Variants in TEX48 observed in about 807,000 individuals in gnomAD.
TEX48 encodes testis expressed 48.
TEX48 carries 10 observed loss-of-function variants against 13.2 expected under a neutral mutation model. That is an observed-to-expected ratio of 0.75 (90% CI 0.47 to 1.28). The LOEUF is 1.28. TEX48 is among the 50% of genes most tolerant of loss of function. TEX48 has a pLI of 0.00. For synonymous variants in TEX48, 45 were observed against 52.3 expected, an observed-to-expected ratio of 0.86 and a Z score of 0.60; for missense variants, 116 against 139.4, an observed-to-expected ratio of 0.83 and a Z score of 0.84.
chr9:114,680,545 T>C (rs1828175699), intron 1 of TEX48, among the ~76,000 whole-genome samples: 1 of 152,096 alleles, frequency 6.6e-6, no homozygotes, highest in African/African-American at 2.4e-5. Context: ...TGAGAAGAAA[T>C]GAGGCAGACT....
At position 114,668,383 on chromosome 9, in the gene TEX48, A is replaced by T. The variant is rs1439386364; in HGVS notation, c.128-46T>A. The T allele has an allele frequency of 2.0e-6, 3 of 1,508,376 alleles. No homozygotes were observed. The African/African-American group carries it at 4.1e-5, about 21-fold the overall frequency. The allele number at this position is 1,508,376 out of a possible 1,614,324, so 93.4% of individuals were successfully genotyped here. On this transcript the variant is annotated intron_variant, in intron 3 of 4. Transcript: ENST00000436752. ...GGGTCACGTGGGGGAGGCTTAGGTG[A>T]GATCACGGAAGTGAAGATGTTTTGC...
intron 1 of TEX48, among the ~76,000 whole-genome samples, chr9:114,672,717 G>T (rs1466785587): frequency 6.6e-6 from 1 of 152,146 alleles, no homozygotes; most frequent in East Asian, 1.9e-4. Context: ...AGTTGGGGTA[G>T]TTCTGTTAAA....
At chr9:114,673,263 AG>A (rs1479857125) in intron 1 of TEX48, among the ~76,000 whole-genome samples, 1 of 152,098 alleles carries the variant, frequency 6.6e-6, no homozygotes, top group African/African-American at 2.4e-5. Flanking sequence ...ACCTGAGGTC[AG>A]GAGTTCGAGA....
chr9:114,671,360 G>T, intron 3 of TEX48, 23 bp downstream of exon 3: 1 of 1,534,400 alleles, frequency 6.5e-7, no homozygotes, highest in Non-Finnish European at 8.7e-7. Context: ...AGGCCATGCA[G>T]AGTGTCCTTA....
intron 4 of TEX48, 148 bp from the exon 5 acceptor site, chr9:114,666,894 G>A (rs1389364843): frequency 3.4e-6 from 2 of 587,432 alleles, no homozygotes; most frequent in Middle Eastern, 2.8e-4. Context: ...CTAGGACTTG[G>A]AAGTCTTTTG....
At chr9:114,673,345 C>G (rs1053710614) in intron 1 of TEX48, among the ~76,000 whole-genome samples, 1 of 151,876 alleles carries the variant, frequency 6.6e-6, no homozygotes, top group African/African-American at 2.4e-5. Flanking sequence ...GTGGCACATG[C>G]CTGTAATCCC....
chr9:114,668,160 G>T, intron 4 of TEX48, 46 bp downstream of exon 4: 1 of 1,533,752 alleles, frequency 6.5e-7, no homozygotes, highest in African/African-American at 1.4e-5. Flanking sequence ...CAGGCTCCCT[G>T]TCTGGGAGTT....
intron 1 of TEX48, among the ~76,000 whole-genome samples, chr9:114,677,705 GTCC>G (rs920312191): frequency 6.6e-6 from 1 of 152,072 alleles, no homozygotes; most frequent in African/African-American, 2.4e-5. Context: ...CTGGACTTGG[GTCC>G]CTCTAAACCT....
chr9:114,677,180 G>T lies in TEX48; in HGVS notation c.-105+4855C>A, dbSNP rs149445147. 1.9e-3 allele frequency among the ~76,000 whole-genome samples: 290 copies of T among 152,198 alleles called. 1 individual carries two copies. In the Middle Eastern group the frequency reaches 0.02, roughly 11 times the overall value. On this transcript the variant is annotated intron_variant, in intron 1 of 4. Transcript: ENST00000436752. ...TGGTCAAAGTGGGGGCACTCACTAG[G>T]TCCATTTAGCTCCAATCTCCAATAG...
Position 114,671,431 on chromosome 9 carries a change from C to A in TEX48, c.79G>T (p.Asp27Tyr). ...TGGGTTTGACTGGGAACCTTGGAGT[C>A]ATTGATGGCATAGGGCTCCTGACAG... ...RDCQEPYAIN[D>Y]SKVPSQTQEH... Residue 27 changes from aspartate (D) to tyrosine (Y), a missense_variant, in exon 3 of 5, where the codon GAC (aspartate) becomes TAC (tyrosine). By Grantham distance (160) the Asp-to-Tyr change is radical. Coordinates refer to ENST00000436752, the MANE Select transcript of TEX48 (RefSeq NM_001199233.2). The A allele has an allele frequency of 6.5e-7, 1 of 1,535,466 alleles. No homozygotes were observed. The highest frequency in any genetic ancestry group is 1.2e-5 in the South Asian group (1 of 84,002).
At chr9:114,679,331 C>G (rs1828141139) in intron 1 of TEX48, among the ~76,000 whole-genome samples, 1 of 149,766 alleles carries the variant, frequency 6.7e-6, no homozygotes, top group Admixed American at 6.7e-5. Context: ...AAGACAGGAC[C>G]CAAATCTCCT....
At chr9:114,671,903 C>T in intron 1 of TEX48, 76 bp from the exon 2 acceptor site, 1 of 652,740 alleles carries the variant, frequency 1.5e-6, no homozygotes, top group South Asian at 1.8e-5. Flanking sequence ...GATCTAATGA[C>T]AGCAAAATCC....
chr9:114,681,562 G>A (rs1828201412), intron 1 of TEX48, among the ~76,000 whole-genome samples: 1 of 152,188 alleles, frequency 6.6e-6, no homozygotes, highest in Non-Finnish European at 1.5e-5. Context: ...ATGATGGAAA[G>A]TGCTTAGCAC....
intron 1 of TEX48, among the ~76,000 whole-genome samples, chr9:114,674,438 T>C (rs2133762519): frequency 6.7e-6 from 1 of 150,222 alleles, no homozygotes; most frequent in Admixed American, 6.7e-5. Context: ...TAGTGAGACT[T>C]TCTCTGTTGT....
chr9:114,673,026 G>A (rs7869653), intron 1 of TEX48, among the ~76,000 whole-genome samples: 58,714 of 151,842 alleles, frequency 0.39, 11,495 homozygotes, highest in African/African-American at 0.45. Context: ...CTGACCTTGC[G>A]GGATGCTACC....
chr9:114,671,612 G>C, intron 2 of TEX48, 107 bp from the exon 3 acceptor site: 1 of 1,524,442 alleles, frequency 6.6e-7, no homozygotes, highest in African/African-American at 1.4e-5. Context: ...CTCTCCCAAG[G>C]CATTAATATA....
chr9:114,677,856 A>T (rs1300555147), intron 1 of TEX48, among the ~76,000 whole-genome samples: 1 of 151,918 alleles, frequency 6.6e-6, no homozygotes, highest in African/African-American at 2.4e-5. Context: ...GAAATTCAAG[A>T]CACTGCACAA....
intron 1 of TEX48, among the ~76,000 whole-genome samples, chr9:114,674,514 CA>C (rs1175803340): frequency 1.3e-5 from 2 of 152,246 alleles, no homozygotes; most frequent in Admixed American, 6.5e-5. Context: ...GTTTACTTTT[CA>C]AACATTTTCT....
intron 1 of TEX48, among the ~76,000 whole-genome samples, chr9:114,673,471 CAAAA>C (rs745988049): frequency 9.3e-6 from 1 of 107,254 alleles, no homozygotes. Context: ...AACTCTGTCT[CAAAA>C]AAAAAAAAAG....
Sources: gnomAD v4.1 joint callset for allele counts (sites outside exome capture counted in the v4.1 genomes callset) on GRCh38, gnomAD v4.1.1 for gene constraint, MANE v1.5 for transcripts, NCBI Gene and HGNC (gene_info 2026-07-23, HGNC 2026-07-21) for gene names.